Variants in C10orf90 observed in about 807,000 individuals in gnomAD.
C10orf90 encodes (E2-independent) E3 ubiquitin-conjugating enzyme FATS.
Under a neutral mutation model 62.5 loss-of-function variants are expected in C10orf90, and 56 were observed. That is an observed-to-expected ratio of 0.90 (90% CI 0.72 to 1.12). The LOEUF is 1.12. C10orf90 is among the 50% of genes most tolerant of loss of function. The pLI is 0.00. For synonymous variants in C10orf90, 386 were observed against 340.4 expected, an observed-to-expected ratio of 1.13 and a Z score of -1.47; for missense variants, 970 against 880.4, an observed-to-expected ratio of 1.10 and a Z score of -1.29.
intron 2 of C10orf90, among the ~76,000 whole-genome samples, chr10:126,604,063 A>G (rs1019867470): frequency 6.6e-6 from 1 of 152,206 alleles, no homozygotes; most frequent in Non-Finnish European, 1.5e-5. Context: ...CACTGAACCC[A>G]AAGTGTGGCT....
chr10:126,565,119 A>G (rs1564874022), intron 2 of C10orf90, among the ~76,000 whole-genome samples: 29 of 43,552 alleles, frequency 6.7e-4, no homozygotes, highest in East Asian at 1.6e-3. Context: ...TATATATTAT[A>G]TAATATATAA....
intron 6 of C10orf90, among the ~76,000 whole-genome samples, chr10:126,459,966 A>G (rs961840931): frequency 3.9e-5 from 6 of 152,190 alleles, no homozygotes; most frequent in African/African-American, 1.4e-4. Context: ...GGAAGGCAGG[A>G]ATATTTCTTT....
At chr10:126,467,271 G>T (rs964582320) in intron 4 of C10orf90, among the ~76,000 whole-genome samples, 2 of 152,198 alleles carry the variant, frequency 1.3e-5, no homozygotes, top group African/African-American at 4.8e-5. Context: ...CTGGAGAAAA[G>T]AAATATGCAG....
At chr10:126,442,478 C>CATATATATATATATAT (rs55780866) in intron 7 of C10orf90, among the ~76,000 whole-genome samples, 666 of 33,704 alleles carry the variant, frequency 0.02, 110 homozygotes, top group East Asian at 0.041. Context: ...TTCAATATTT[C>CATATATATATATATAT]ATATATATAT....
chr10:126,438,958 G>A (rs756321021), intron 7 of C10orf90, among the ~76,000 whole-genome samples: 76 of 151,920 alleles, frequency 5.0e-4, no homozygotes, highest in Non-Finnish European at 9.4e-4. Context: ...CCCTCCATAT[G>A]TACCCATGCC....
chr10:126,592,438 G>A (rs1392353827), intron 2 of C10orf90, among the ~76,000 whole-genome samples: 2 of 152,124 alleles, frequency 1.3e-5, no homozygotes, highest in Non-Finnish European at 2.9e-5. Context: ...AACAAGCAAT[G>A]GGTAAAGGAT....
At chr10:126,645,744 C>A (rs1454504589) in intron 2 of C10orf90, among the ~76,000 whole-genome samples, 1 of 152,114 alleles carries the variant, frequency 6.6e-6, no homozygotes, top group Admixed American at 6.5e-5. Context: ...TTGCTATAGG[C>A]AGGTGGTGGA....
rs144844128 is a variant in C10orf90, at chr10:126,447,157, A to T, written c.2188+11883T>A. Among the ~76,000 whole-genome samples, 1,029 of 152,194 alleles carry T rather than the reference A, an allele frequency of 6.8e-3. 4 individuals carry two copies. The highest frequency in any genetic ancestry group is 0.011 in the Non-Finnish European group (756 of 67,998). ...CACCAGAAAACAACAAAATGGCAGC[A>T]GTAATATCTTACCTATTAATAATTA... On this transcript the variant is annotated intron_variant, in intron 7 of 9. Coordinates refer to ENST00000488181, the MANE Select transcript of C10orf90 (RefSeq NM_001350921.2).
chr10:126,493,766 C>T (rs1861889143), intron 4 of C10orf90, among the ~76,000 whole-genome samples: 1 of 152,230 alleles, frequency 6.6e-6, no homozygotes, highest in Admixed American at 6.5e-5. Flanking sequence ...GTGAATGATG[C>T]TAGACCTGGA....
chr10:126,615,818 T>C (rs1374981821), intron 2 of C10orf90, among the ~76,000 whole-genome samples: 1 of 152,166 alleles, frequency 6.6e-6, no homozygotes, highest in Non-Finnish European at 1.5e-5. Flanking sequence ...CCAAACGGGC[T>C]CAAGATCAGG....
chr10:126,476,584 T>C (rs1361085208), intron 4 of C10orf90, among the ~76,000 whole-genome samples: 2 of 152,226 alleles, frequency 1.3e-5, no homozygotes, highest in Non-Finnish European at 2.9e-5. Context: ...AATATCCTTC[T>C]GTTGCCGAGT....
intron 8 of C10orf90, among the ~76,000 whole-genome samples, chr10:126,427,379 T>C (rs1857323977): frequency 6.6e-6 from 1 of 151,824 alleles, no homozygotes; most frequent in African/African-American, 2.4e-5. Flanking sequence ...GCTGGCAGAG[T>C]GGTTAATATT....
intron 1 of C10orf90, among the ~76,000 whole-genome samples, chr10:126,664,939 GT>G (rs1846596288): frequency 6.6e-6 from 1 of 152,206 alleles, no homozygotes; most frequent in East Asian, 1.9e-4. Flanking sequence ...TGAGACCCAA[GT>G]ACAGCCATTT....
chr10:126,448,042 TTG>T (rs1379594315), intron 7 of C10orf90, among the ~76,000 whole-genome samples: 2,406 of 114,302 alleles, frequency 0.021, 42 homozygotes, highest in African/African-American at 0.066. Context: ...TTTTTTTTTT[TTG>T]TATTTTTAGT....
intron 2 of C10orf90, among the ~76,000 whole-genome samples, chr10:126,631,455 G>C (rs146397563): frequency 6.6e-6 from 1 of 152,234 alleles, no homozygotes; most frequent in Non-Finnish European, 1.5e-5. Context: ...TACACCTGAA[G>C]CAGAATGGCC....
chr10:126,544,650 G>A (rs1864450881), intron 2 of C10orf90, among the ~76,000 whole-genome samples: 1 of 151,916 alleles, frequency 6.6e-6, no homozygotes, highest in Non-Finnish European at 1.5e-5. Context: ...AATATAAAGA[G>A]GAATGATAGA....
chr10:126,535,465 T>C (rs1864210426), intron 2 of C10orf90, among the ~76,000 whole-genome samples: 1 of 148,764 alleles, frequency 6.7e-6, no homozygotes, highest in South Asian at 2.1e-4. Context: ...TGCAGTGAGC[T>C]GAGATCACGC....
rs140833099 is a variant in C10orf90 at position 126,464,771 on chromosome 10, G to C, written c.1750C>G (p.Leu584Val). Reference protein sequence around the residue: ...LKPRILFPGFLCPLQDVCASL... With the variant: ...LKPRILFPGFVCPLQDVCASL... ...GCACATACATCTTGTAAGGGGCAAA[G>C]AAACCCAGGAAAAAGGATTCTGGGT... The change falls in exon 5 of 10, where the codon CTT (leucine) becomes GTT (valine). Residue 584 changes from leucine (L) to valine (V), a missense_variant. Physicochemically the swap from Leu to Val is conservative, Grantham distance 32. Coordinates refer to ENST00000488181, the MANE Select transcript of C10orf90 (RefSeq NM_001350921.2). 6.2e-7 allele frequency: 1 copy of C among 1,613,980 alleles called. No individual in the cohort carries two copies. Among genetic ancestry groups the C allele is most frequent in the Admixed American group, 1.7e-5 (1 of 59,994 alleles).
intron 4 of C10orf90, chr10:126,502,788 T>C (rs1862480515): frequency 1.9e-6 from 1 of 527,582 alleles, no homozygotes; most frequent in Non-Finnish European, 3.9e-6. Context: ...GTGGGATTTA[T>C]CTTTGGAACA....
Sources: gnomAD v4.1 joint callset for allele counts (sites outside exome capture counted in the v4.1 genomes callset) on GRCh38, gnomAD v4.1.1 for gene constraint, MANE v1.5 for transcripts, NCBI Gene and HGNC (gene_info 2026-07-23, HGNC 2026-07-21) for gene names.